The following PCDH11X variants were observed in gnomAD, a reference collection of about 807,000 sequenced individuals.
The protein encoded by PCDH11X is protocadherin 11 X-linked.
PCDH11X carries 18 observed loss-of-function variants against 53.3 expected under a neutral mutation model. The ratio of observed to expected loss-of-function variants is 0.34; its 90% CI spans 0.23 to 0.50. The LOEUF is 0.50. PCDH11X is among the 20% of genes least tolerant of loss of function. The pLI, the probability that PCDH11X is intolerant of heterozygous loss-of-function variation, is 0.98. For synonymous variants in PCDH11X, 279 were observed against 393.3 expected, an observed-to-expected ratio of 0.71 and a Z score of 3.44; for missense variants, 570 against 1,032.4, an observed-to-expected ratio of 0.55 and a Z score of 6.14.
At chrX:91,935,650 TGCCGAGGTTAAG>T (rs1482881504) in intron 6 of PCDH11X, among the ~76,000 whole-genome samples, 1 of 109,375 alleles carries the variant, frequency 9.1e-6, no homozygotes, top group Non-Finnish European at 1.9e-5. Context: ...AAGTTTATTT[TGCCGAGGTTAAG>T]GCGGCCCCAA....
intron 6 of PCDH11X, among the ~76,000 whole-genome samples, chrX:91,970,690 C>G (rs1344222607): frequency 8.9e-6 from 1 of 111,744 alleles, no homozygotes; most frequent in Non-Finnish European, 1.9e-5. Flanking sequence ...TGCAGCCGCT[C>G]CTAGGCACTG....
intron 6 of PCDH11X, among the ~76,000 whole-genome samples, chrX:92,069,805 G>A (rs913144537): frequency 4.5e-5 from 5 of 110,986 alleles, no homozygotes; most frequent in African/African-American, 1.3e-4. Context: ...CCTCAGCCCC[G>A]CAAGTAGCTG....
At chrX:92,494,593 C>T (rs1366120053) in intron 10 of PCDH11X, among the ~76,000 whole-genome samples, 1 of 110,773 alleles carries the variant, frequency 9.0e-6, no homozygotes, top group Non-Finnish European at 1.9e-5. Flanking sequence ...TTTTTTAGGC[C>T]GGCACCACTG....
chrX:92,312,141 T>G (rs1339014839), intron 8 of PCDH11X, among the ~76,000 whole-genome samples: 2 of 111,568 alleles, frequency 1.8e-5, no homozygotes, highest in African/African-American at 6.5e-5. Flanking sequence ...GACGTGTCTA[T>G]GCATTGACTT....
chrX:92,081,680 C>A (rs1569344072), intron 6 of PCDH11X, among the ~76,000 whole-genome samples: 1 of 106,487 alleles, frequency 9.4e-6, no homozygotes, highest in Non-Finnish European at 1.9e-5. Context: ...TAGAGAATAG[C>A]ACAATAAAAT....
At chrX:91,969,530 G>A (rs2061917680) in intron 6 of PCDH11X, among the ~76,000 whole-genome samples, 1 of 111,174 alleles carries the variant, frequency 9.0e-6, no homozygotes, top group African/African-American at 3.3e-5. Flanking sequence ...TAGACATGGT[G>A]GCTCACACCA....
chrX:91,784,300 T>C (rs1355020528), intron 1 of PCDH11X, among the ~76,000 whole-genome samples: 4 of 112,044 alleles, frequency 3.6e-5, no homozygotes, highest in Non-Finnish European at 7.5e-5. Flanking sequence ...AAGAAGATAA[T>C]GTAACATCCA....
intron 6 of PCDH11X, among the ~76,000 whole-genome samples, chrX:92,079,019 C>T (rs1173124711): frequency 9.1e-6 from 1 of 110,348 alleles, no homozygotes; most frequent in Non-Finnish European, 1.9e-5. Flanking sequence ...TTGAAGACAT[C>T]TGTATCTGCT....
intron 7 of PCDH11X, among the ~76,000 whole-genome samples, chrX:92,216,760 C>T (rs1177300120): frequency 2.2e-5 from 2 of 90,922 alleles, no homozygotes; most frequent in African/African-American, 4.2e-5. Flanking sequence ...TCAGATTCAC[C>T]AAAGTTGAAA....
intron 6 of PCDH11X, among the ~76,000 whole-genome samples, chrX:92,097,503 T>C (rs1190325529): frequency 9.0e-6 from 1 of 111,010 alleles, no homozygotes; most frequent in Non-Finnish European, 1.9e-5. Flanking sequence ...GAATATATTT[T>C]ATTTTTTTCT....
At chrX:92,197,455 C>T (rs957907804) in intron 6 of PCDH11X, among the ~76,000 whole-genome samples, 9 of 111,830 alleles carry the variant, frequency 8.0e-5, no homozygotes, top group Admixed American at 2.9e-4. Flanking sequence ...AAATAAACAT[C>T]AAGTTACATT....
intron 6 of PCDH11X, among the ~76,000 whole-genome samples, chrX:92,117,454 T>C (rs2064664532): frequency 9.3e-6 from 1 of 107,205 alleles, no homozygotes; most frequent in African/African-American, 3.4e-5. Context: ...AAAAAAGTAA[T>C]ACCATATTCA....
chrX:92,504,648 T>C (rs1475398787), intron 10 of PCDH11X, among the ~76,000 whole-genome samples: 1 of 111,798 alleles, frequency 8.9e-6, no homozygotes, highest in Non-Finnish European at 1.9e-5. Flanking sequence ...TTTATATTCC[T>C]TTGTGTATAT....
chrX:92,056,550 T>A (rs1314205781), intron 6 of PCDH11X, among the ~76,000 whole-genome samples: 1 of 111,439 alleles, frequency 9.0e-6, no homozygotes, highest in Non-Finnish European at 1.9e-5. Context: ...ATCCCAGTTG[T>A]CATTTTTTGC....
chrX:92,175,971 G>T (rs913091850), intron 6 of PCDH11X, among the ~76,000 whole-genome samples: 1 of 110,036 alleles, frequency 9.1e-6, no homozygotes, highest in African/African-American at 3.3e-5. Flanking sequence ...CCATTTAATG[G>T]TCAGAGTAAC....
chrX:92,554,892 C>T (rs1230775805), intron 10 of PCDH11X, among the ~76,000 whole-genome samples: 3 of 111,246 alleles, frequency 2.7e-5, no homozygotes, highest in African/African-American at 9.8e-5. Context: ...CTTCCCACTT[C>T]CCACCAAACT....
At chrX:92,334,787 T>C (rs1398444981) in intron 8 of PCDH11X, among the ~76,000 whole-genome samples, 1 of 111,749 alleles carries the variant, frequency 8.9e-6, no homozygotes. Flanking sequence ...GAATCTTCTC[T>C]TCCTTATGAT....
intron 6 of PCDH11X, among the ~76,000 whole-genome samples, chrX:92,110,732 T>A (rs944864431): frequency 8.8e-4 from 97 of 110,785 alleles, no homozygotes; most frequent in Non-Finnish European, 1.7e-3. Flanking sequence ...GGGCAAAATA[T>A]GGGGGAGGCG....
rs1400686827 is a variant in PCDH11X, at chrX:92,416,128, A to C, written c.3343+28195A>C. 2.7e-5 allele frequency among the ~76,000 whole-genome samples: 3 copies of C among 110,894 alleles called. No homozygotes were observed. The East Asian group carries it at 8.5e-4, about 31-fold the overall frequency. Reference sequence around the variant, plus strand: ...TCAAACTATTAATATTTAGTGTGCAAAAATTCCTGGATATAGAAAGTAGCA... The same window carrying C: ...TCAAACTATTAATATTTAGTGTGCACAAATTCCTGGATATAGAAAGTAGCA... On this transcript the variant is annotated intron_variant, in intron 9 of 10. Transcript: ENST00000682573.
Sources: allele counts gnomAD v4.1 joint callset (sites outside exome capture counted in the v4.1 genomes callset), GRCh38; gene constraint gnomAD v4.1.1; transcripts MANE v1.5; gene names NCBI Gene and HGNC (gene_info 2026-07-23, HGNC 2026-07-21).